SGTB: variants seen among roughly 807,000 people sequenced by gnomAD.
SGTB encodes small glutamine rich tetratricopeptide repeat co-chaperone beta.
In SGTB, 19 loss-of-function variants were observed where a neutral mutation model predicts 43.9. The observed-to-expected ratio is 0.43, with a 90% CI of 0.30 to 0.63. The LOEUF is 0.63. SGTB is among the 30% of genes least tolerant of loss of function. The pLI, the probability that SGTB is intolerant of heterozygous loss-of-function variation, is 0.12. For synonymous variants in SGTB, 116 were observed against 117.3 expected, an observed-to-expected ratio of 0.99 and a Z score of 0.07; for missense variants, 304 against 358.9, an observed-to-expected ratio of 0.85 and a Z score of 1.24.
chr5:65,718,268 T>C (rs951926004), intron 2 of SGTB, among the ~76,000 whole-genome samples: 3 of 152,134 alleles, frequency 2.0e-5, no homozygotes, highest in African/African-American at 4.8e-5. Context: ...ACCTACTCAC[T>C]AGATGCCAAT....
chr5:65,702,247 A>C (rs1307064405), intron 5 of SGTB, among the ~76,000 whole-genome samples: 1 of 152,086 alleles, frequency 6.6e-6, no homozygotes, highest in Admixed American at 6.6e-5. Context: ...AAAGTCCAAT[A>C]CCGAAGGTCC....
At chr5:65,690,885 C>A (rs568605787) in intron 5 of SGTB, among the ~76,000 whole-genome samples, 2 of 152,160 alleles carry the variant, frequency 1.3e-5, no homozygotes, top group Non-Finnish European at 2.9e-5. Context: ...ATATCAAAAA[C>A]AATTCAAATC....
rs1331555753 is a variant in SGTB at position 65,666,127 on chromosome 5, A to G, written c.*4119T>C. ...ATTAAATGATGAAATAATATTTTAT[A>G]GCCACTGCATTGGATACTTGGATTG... is the stretch of plus-strand genomic sequence containing the variant. On this transcript the variant is annotated 3_prime_UTR_variant, in exon 11 of 11. Transcript: ENST00000381007. 1 of 152,614 alleles carries G rather than the reference A, an allele frequency of 6.6e-6. No individual in the cohort carries two copies. The highest frequency in any genetic ancestry group is 2.4e-5 in the African/African-American group (1 of 41,468). The allele number at this position is 152,614 out of a possible 1,614,324, so 9.5% of individuals were successfully genotyped here. A position where few individuals can be genotyped will look rare whatever the true frequency, so the allele number is the denominator to read the frequency against.
chr5:65,714,527 G>A (rs547115864), intron 2 of SGTB, among the ~76,000 whole-genome samples: 4 of 152,306 alleles, frequency 2.6e-5, no homozygotes, highest in African/African-American at 4.8e-5. Context: ...GAAGTCTGTC[G>A]TTGGAGGCCA....
At chr5:65,690,715 G>A (rs763772987) in intron 5 of SGTB, among the ~76,000 whole-genome samples, 19 of 152,074 alleles carry the variant, frequency 1.2e-4, no homozygotes, top group Non-Finnish European at 1.5e-4. Context: ...TGTAAAAAAC[G>A]TACAAAGTTC....
intron 5 of SGTB, among the ~76,000 whole-genome samples, chr5:65,696,261 G>GCT (rs1252928829): frequency 6.6e-6 from 1 of 151,910 alleles, no homozygotes; most frequent in South Asian, 2.1e-4. Context: ...CCTGCATCAT[G>GCT]CTCTCTCTCT....
intron 4 of SGTB, among the ~76,000 whole-genome samples, chr5:65,704,780 G>C (rs1180845115): frequency 6.6e-6 from 1 of 151,256 alleles, no homozygotes. Context: ...ATCTGGACCT[G>C]GTCTTCCACT....
chr5:65,709,535 C>T (rs780117935), intron 3 of SGTB, among the ~76,000 whole-genome samples: 28 of 152,112 alleles, frequency 1.8e-4, no homozygotes, highest in Middle Eastern at 3.4e-3. Context: ...CATGCCACCA[C>T]ACCCAGCTAA....
rs942167926 is a variant in SGTB, at chr5:65,666,750, G to A, written c.*3496C>T. 6.6e-6 allele frequency: 1 copy of A among 152,146 alleles called. No homozygotes were observed. The highest frequency in any genetic ancestry group is 2.4e-5 in the African/African-American group (1 of 41,436). 9.4% of individuals were successfully genotyped at this position (152,146 alleles called of 1,614,324 possible). A position where few individuals can be genotyped will look rare whatever the true frequency, so the allele number is the denominator to read the frequency against. ...GACAGATAGCATCTAGATTGAATTT[G>A]TTACAGGTGGTATATTAGCAAAGAA... is the stretch of plus-strand genomic sequence containing the variant. On this transcript the variant is annotated 3_prime_UTR_variant, in exon 11 of 11. Transcript: ENST00000381007.
intron 2 of SGTB, among the ~76,000 whole-genome samples, chr5:65,720,430 G>A (rs1758243233): frequency 6.6e-6 from 1 of 152,040 alleles, no homozygotes; most frequent in South Asian, 2.1e-4. Flanking sequence ...TAACATAACA[G>A]TTGCTGTGAA....
At chr5:65,722,371 C>T (rs888932324), upstream of SGTB, 4 of 1,581,300 alleles carry the variant, frequency 2.5e-6, no homozygotes, top group Non-Finnish European at 3.4e-6. Flanking sequence ...TCTCAGCGCT[C>T]CCATGATCGC....
intron 5 of SGTB, among the ~76,000 whole-genome samples, chr5:65,695,364 A>T (rs1428121105): frequency 6.6e-6 from 1 of 152,222 alleles, no homozygotes; most frequent in Non-Finnish European, 1.5e-5. Context: ...TTTGGATCAC[A>T]AACTGCAAGT....
intron 5 of SGTB, among the ~76,000 whole-genome samples, chr5:65,696,918 T>A (rs1262008352): frequency 2.6e-5 from 4 of 152,198 alleles, no homozygotes; most frequent in Non-Finnish European, 5.9e-5. Context: ...TCTAACAAAT[T>A]AAAAAGTCAG....
At chr5:65,704,049 A>AAAATAAATAAATAAAT (rs1554025723) in intron 5 of SGTB, among the ~76,000 whole-genome samples, 1 of 139,634 alleles carries the variant, frequency 7.2e-6, no homozygotes, top group Non-Finnish European at 1.5e-5. Context: ...AAAAAAAAAA[A>AAAATAAATAAATAAAT]AAATAAATAA....
chr5:65,694,569 G>A (rs1483905610), intron 5 of SGTB, among the ~76,000 whole-genome samples: 1 of 152,002 alleles, frequency 6.6e-6, no homozygotes, highest in African/African-American at 2.4e-5. Flanking sequence ...TCCGCCTCCC[G>A]GATTCAAGCA....
At chr5:65,672,587 G>A (rs909763379) in intron 8 of SGTB, among the ~76,000 whole-genome samples, 1 of 152,154 alleles carries the variant, frequency 6.6e-6, no homozygotes, top group African/African-American at 2.4e-5. Context: ...AACTTTAAAA[G>A]TATGGTTAAG....
intron 2 of SGTB, among the ~76,000 whole-genome samples, chr5:65,718,855 G>GAA (rs34754390): frequency 3.3e-5 from 5 of 150,608 alleles, no homozygotes; most frequent in African/African-American, 7.3e-5. Flanking sequence ...ATCTTGGTTT[G>GAA]AAAAAAAAAC....
chr5:65,693,273 G>A (rs1028633124), intron 5 of SGTB, among the ~76,000 whole-genome samples: 1 of 149,508 alleles, frequency 6.7e-6, no homozygotes, highest in African/African-American at 2.5e-5. Flanking sequence ...AGGAAGGAAC[G>A]AAGGAGAGAG....
At chr5:65,697,458 A>G (rs1198623658) in intron 5 of SGTB, among the ~76,000 whole-genome samples, 1 of 152,230 alleles carries the variant, frequency 6.6e-6, no homozygotes, top group Admixed American at 6.5e-5. Context: ...TGCTGTACAA[A>G]TAAGAAATTT....
Sources: gnomAD v4.1 joint callset for allele counts (sites outside exome capture counted in the v4.1 genomes callset) on GRCh38, gnomAD v4.1.1 for gene constraint, MANE v1.5 for transcripts, NCBI Gene and HGNC (gene_info 2026-07-23, HGNC 2026-07-21) for gene names.